ZNF684: variants seen among roughly 807,000 people sequenced by gnomAD.
ZNF684 encodes hypothetical protein MGC27466.
Under a neutral mutation model 12.8 loss-of-function variants are expected in ZNF684, and 13 were observed. That is an observed-to-expected ratio of 1.02 (90% CI 0.66 to 1.62). The LOEUF (loss-of-function observed/expected upper bound fraction) is 1.62, where lower values mean the gene tolerates loss of function less well. Ranked by LOEUF, ZNF684 falls within the 40% of genes most tolerant of loss-of-function variation. The pLI, the probability that ZNF684 is intolerant of heterozygous loss-of-function variation, is 0.00. For synonymous variants in ZNF684, 118 were observed against 151.8 expected, an observed-to-expected ratio of 0.78 and a Z score of 1.64; for missense variants, 384 against 446.9, an observed-to-expected ratio of 0.86 and a Z score of 1.27.
intron 4 of ZNF684, among the ~76,000 whole-genome samples, chr1:40,542,674 G>A (rs1340665234): frequency 2.0e-5 from 3 of 152,016 alleles, no homozygotes; most frequent in Admixed American, 6.6e-5. Flanking sequence ...TGGCCTTCAT[G>A]GTAACTAATT....
chr1:40,543,763 C>T (rs549631649), intron 4 of ZNF684, among the ~76,000 whole-genome samples: 1 of 152,072 alleles, frequency 6.6e-6, no homozygotes, highest in Non-Finnish European at 1.5e-5. Context: ...GCTTATATAC[C>T]GTTTTCTTCT....
intron 2 of ZNF684, among the ~76,000 whole-genome samples, chr1:40,533,960 A>T (rs1391075431): frequency 1.3e-5 from 2 of 151,032 alleles, no homozygotes; most frequent in Non-Finnish European, 2.9e-5. Context: ...AGTAGCTTGG[A>T]TTACAGGCAT....
At chr1:40,533,950 A>G (rs1421843597) in intron 2 of ZNF684, among the ~76,000 whole-genome samples, 2 of 151,276 alleles carry the variant, frequency 1.3e-5, no homozygotes, top group African/African-American at 4.9e-5. Flanking sequence ...CAACCTCCCA[A>G]GTAGCTTGGA....
intron 4 of ZNF684, among the ~76,000 whole-genome samples, chr1:40,546,338 T>G (rs1570115535): frequency 6.6e-6 from 1 of 152,334 alleles, no homozygotes; most frequent in South Asian, 2.1e-4. Context: ...CTTCGTACCC[T>G]CACTCTACCT....
intron 4 of ZNF684, chr1:40,544,463 T>A (rs892388715): frequency 1.3e-5 from 5 of 383,016 alleles, no homozygotes; most frequent in Non-Finnish European, 2.1e-5. Context: ...GTGATTCTCC[T>A]ACCTCAGCCT....
At chr1:40,533,827 T>C (rs1645970243) in intron 2 of ZNF684, among the ~76,000 whole-genome samples, 1 of 148,716 alleles carries the variant, frequency 6.7e-6, no homozygotes, top group Non-Finnish European at 1.5e-5. Context: ...GGTATTCTTT[T>C]TTTTTTTTTT....
At chr1:40,537,607 G>A (rs998858091) in intron 2 of ZNF684, among the ~76,000 whole-genome samples, 2 of 152,104 alleles carry the variant, frequency 1.3e-5, no homozygotes, top group Non-Finnish European at 2.9e-5. Flanking sequence ...GCCAGGTGTG[G>A]TGGTGCATAC....
At chr1:40,533,047 G>T (rs1645965964) in intron 1 of ZNF684, 96 bp from the exon 2 acceptor site, 2 of 964,084 alleles carry the variant, frequency 2.1e-6, no homozygotes, top group Non-Finnish European at 3.2e-6. Flanking sequence ...AGGCTGCAGT[G>T]TGGGTACTTA....
Position 40,546,772 on chromosome 1 carries a change from A to G in ZNF684, c.449A>G (p.Asn150Ser), listed in dbSNP as rs372867025. The change falls in exon 5 of 5, where the codon AAT (asparagine) becomes AGT (serine). Residue 150 changes from asparagine to serine, a missense_variant. By Grantham distance (46) the Asn-to-Ser change is conservative. Transcript: ENST00000372699. ...LPPNLDLLKY[N>S]RSYTVENAYE... is the part of the protein sequence containing the mutation. The stretch of plus-strand genomic sequence containing the variant: ...CCTAATTTAGACTTACTTAAATATA[A>G]TAGAAGTTATACTGTAGAAAACGCT... 1.2e-6 allele frequency: 2 copies of G among 1,612,608 alleles called. No individual in the cohort carries two copies. Among genetic ancestry groups the G allele is most frequent in the Non-Finnish European group, 1.7e-6 (2 of 1,179,604 alleles).
chr1:40,534,482 C>T (rs1645974263), intron 2 of ZNF684, among the ~76,000 whole-genome samples: 2 of 151,586 alleles, frequency 1.3e-5, no homozygotes, highest in Admixed American at 1.3e-4. Flanking sequence ...CTCAGGTGAT[C>T]CACCCATCTC....
intron 4 of ZNF684, among the ~76,000 whole-genome samples, chr1:40,543,900 C>T (rs1024891794): frequency 6.6e-6 from 1 of 152,090 alleles, no homozygotes; most frequent in African/African-American, 2.4e-5. Flanking sequence ...ACTCCCAAGC[C>T]AATTCTATTA....
intron 4 of ZNF684, among the ~76,000 whole-genome samples, chr1:40,543,095 C>G (rs1048251067): frequency 1.3e-5 from 2 of 152,136 alleles, no homozygotes; most frequent in Non-Finnish European, 1.5e-5. Context: ...CCTTGAACTC[C>G]TGGCCTCAAG....
Position 40,547,395 on chromosome 1 carries a change from A to G in ZNF684, c.1072A>G (p.Asn358Asp). The change falls in exon 5 of 5, where the codon AAC (asparagine) becomes GAC (aspartate). Residue 358 changes from asparagine to aspartate, a missense_variant. Physicochemically the swap from Asn to Asp is conservative, Grantham distance 23. Coordinates refer to ENST00000372699, the MANE Select transcript of ZNF684 (RefSeq NM_152373.4). ...THTGEKPYEC[N>D]RCGKAFSQKS... ...TACAGGAGAGAAGCCCTATGAATGTAACAGATGTGGGAAAGCATTTTCCCA... is the reference window on the plus strand; with the variant it reads ...TACAGGAGAGAAGCCCTATGAATGTGACAGATGTGGGAAAGCATTTTCCCA... 6.2e-7 allele frequency: 1 copy of G among 1,613,710 alleles called. No individual in the cohort carries two copies. The highest frequency in any genetic ancestry group is 8.5e-7 in the Non-Finnish European group (1 of 1,179,754).
In ZNF684 at chr1:40,547,525, A is replaced by G. The variant is rs1646056265; in HGVS notation, c.*65A>G. 1 of 1,374,616 alleles carries G rather than the reference A, an allele frequency of 7.3e-7. No homozygotes were observed. The highest frequency in any genetic ancestry group is 1.6e-5 in the South Asian group (1 of 64,494). The allele number at this position is 1,374,616 out of a possible 1,614,324, so 85.2% of individuals were successfully genotyped here. A position where few individuals can be genotyped will look rare whatever the true frequency, so the allele number is the denominator to read the frequency against. ...TGCTAAATCTTATTAAATACTAAAG[A>G]ATTCATGGTGAGAAGTCTACAATTT... is the stretch of plus-strand genomic sequence containing the variant. On this transcript the variant is annotated 3_prime_UTR_variant, in exon 5 of 5. Transcript: ENST00000372699.
At chr1:40,541,264 G>A (rs1262905299) in intron 3 of ZNF684, 2 of 172,114 alleles carry the variant, frequency 1.2e-5, no homozygotes, top group South Asian at 1.4e-4. Flanking sequence ...GTGCAATCTC[G>A]GCTTCACCTC....
chr1:40,547,676 G>A lies in ZNF684; in HGVS notation c.*216G>A. ...CTATAAATAATAGAGCATAAAGCTT[G>A]GAAAGTAAGCATAACTTAAAAAATC... On this transcript the variant is annotated 3_prime_UTR_variant, in exon 5 of 5. Transcript: ENST00000372699. 1 of 363,114 alleles carries A rather than the reference G, an allele frequency of 2.8e-6. No individual in the cohort carries two copies. The highest frequency in any genetic ancestry group is 4.8e-6 in the Non-Finnish European group (1 of 208,474). The allele number at this position is 363,114 out of a possible 1,614,324, so 22.5% of individuals were successfully genotyped here. A position where few individuals can be genotyped will look rare whatever the true frequency, so the allele number is the denominator to read the frequency against.
chr1:40,538,593 C>T (rs1282207304), intron 2 of ZNF684, among the ~76,000 whole-genome samples: 3 of 152,138 alleles, frequency 2.0e-5, no homozygotes, highest in Non-Finnish European at 2.9e-5. Flanking sequence ...TGCAGTGGCT[C>T]ATGCCTGTAA....
At chr1:40,533,638 G>A (rs1261908979) in intron 2 of ZNF684, among the ~76,000 whole-genome samples, 1 of 152,104 alleles carries the variant, frequency 6.6e-6, no homozygotes, top group South Asian at 2.1e-4. Context: ...GTGCCAAGCA[G>A]CACTAAATGA....
chr1:40,540,631 G>A lies in ZNF684; in HGVS notation c.61G>A (p.Glu21Lys), dbSNP rs1226170015. 1 of 1,613,078 alleles carries A rather than the reference G, an allele frequency of 6.2e-7. No homozygotes were observed. Among genetic ancestry groups the A allele is most frequent in the Admixed American group, 1.7e-5 (1 of 59,910 alleles). ...TGTGGCTGTGGATTTCACTGCAGAG[G>A]AGTGGCAGCTGCTTGATTGTGCTGA... ...QDVAVDFTAE[E>K]WQLLDCAERT... is the part of the protein sequence containing the mutation. The change falls in exon 3 of 5, where the codon GAG becomes AAG. Residue 21 changes from glutamate (E) to lysine (K), a missense_variant. Physicochemically the swap from Glu to Lys is moderately conservative, Grantham distance 56. Coordinates refer to ENST00000372699, the MANE Select transcript of ZNF684 (RefSeq NM_152373.4).
Sources: gnomAD v4.1 joint callset for allele counts (sites outside exome capture counted in the v4.1 genomes callset) on GRCh38, gnomAD v4.1.1 for gene constraint, MANE v1.5 for transcripts, NCBI Gene and HGNC (gene_info 2026-07-23, HGNC 2026-07-21) for gene names.